FBN2: variants seen among roughly 807,000 people sequenced by gnomAD.
The protein encoded by FBN2 is fibrillin 2, also known as fibrillin-2.
A neutral mutation model predicts 355.6 loss-of-function variants in FBN2; 105 were observed. The ratio of observed to expected loss-of-function variants is 0.30; its 90% CI spans 0.25 to 0.35. The LOEUF (loss-of-function observed/expected upper bound fraction) is 0.35. Among genes scored for constraint, FBN2 ranks in the 10% least tolerant of loss-of-function variants. FBN2 has a pLI of 1.00. For missense variants in FBN2, 3,280 were observed against 3,758.7 expected (o/e 0.87, Z 3.33); for synonymous variants, 1,350 against 1,301.2 (o/e 1.04, Z -0.81).
chr5:128,418,902 C>T (rs1334814030), intron 7 of FBN2, among the ~76,000 whole-genome samples: 1 of 152,062 alleles, frequency 6.6e-6, no homozygotes, highest in East Asian at 1.9e-4. Flanking sequence ...TCATTTTTGA[C>T]AGGGATTGTG....
chr5:128,300,964 A>C, intron 47 of FBN2, 28 bp from the exon 48 acceptor site: 1 of 1,607,224 alleles, frequency 6.2e-7, no homozygotes, highest in Non-Finnish European at 8.5e-7. Flanking sequence ...AGAAAAAATA[A>C]TTTAAGCATG....
intron 31 of FBN2, 93 bp from the exon 32 acceptor site, chr5:128,333,127 A>C (rs1750737436): frequency 8.7e-7 from 1 of 1,146,318 alleles, no homozygotes; most frequent in East Asian, 2.5e-5. Flanking sequence ...ATTTTAAAGT[A>C]AAGATGCAAC....
Position 128,339,037 on chromosome 5 carries a change from G to C in FBN2, c.3368C>G (p.Pro1123Arg). ...GCAGATTCCACTGCCACAGAGGTCA[G>C]GAGAAATCCTGCACTCGTCGATGTC... ...CTDIDECRIS[P>R]DLCGSGICVN... is the part of the protein sequence containing the mutation. Residue 1123 changes from proline (P) to arginine (R), a missense_variant, in exon 26 of 65, where the codon CCT (proline) becomes CGT (arginine). Coordinates refer to ENST00000262464, the MANE Select transcript of FBN2 (RefSeq NM_001999.4). The C allele has an allele frequency of 6.2e-7, 1 of 1,614,040 alleles. No individual in the cohort carries two copies. The highest frequency in any genetic ancestry group is 8.5e-7 in the Non-Finnish European group (1 of 1,179,922).
chr5:128,336,048 T>C lies in FBN2; in HGVS notation c.3664A>G (p.Thr1222Ala). ...CCAGGATTGCAAGAGCACTGATAGG[T>C]TCCAATCATGTTCACACATTTTCCA... ...RNGKCVNMIGTYQCSCNPGYQ... is the reference protein window; with the variant it reads ...RNGKCVNMIGAYQCSCNPGYQ... Residue 1222 changes from threonine (T) to alanine (A), a missense_variant, in exon 28 of 65, where the codon ACC becomes GCC. By Grantham distance (58) the Thr-to-Ala change is moderately conservative (BLOSUM62 0). Around this residue, in one of 6 missense-constraint regions of FBN2, gnomAD observed 2,284 missense variants for 2,749.5 expected, o/e 0.83. Coordinates refer to ENST00000262464, the MANE Select transcript of FBN2 (RefSeq NM_001999.4). The C allele has an allele frequency of 1.2e-6, 2 of 1,613,634 alleles. No individual in the cohort carries two copies. The highest frequency in any genetic ancestry group is 2.2e-5 in the East Asian group (1 of 44,898).
chr5:128,417,853 G>T (rs1017293637), intron 7 of FBN2, among the ~76,000 whole-genome samples: 13 of 152,036 alleles, frequency 8.6e-5, no homozygotes, highest in African/African-American at 3.1e-4. Context: ...AATGCATTAA[G>T]GACAGTACTT....
chr5:128,536,347 C>T, intron 2 of FBN2, 55 bp downstream of exon 2: 1 of 1,417,838 alleles, frequency 7.1e-7, no homozygotes, highest in Non-Finnish European at 9.9e-7. Context: ...AAGAGGTCGG[C>T]CGGAGATAGG....
intron 5 of FBN2, among the ~76,000 whole-genome samples, chr5:128,498,307 A>G (rs1241498299): frequency 6.6e-6 from 1 of 152,198 alleles, no homozygotes; most frequent in Non-Finnish European, 1.5e-5. Context: ...AAAATCTCCA[A>G]CATCTCACCA....
chr5:128,455,993 A>AAAAAAAACAAAAAAAAAAC (rs1561465907), intron 6 of FBN2, among the ~76,000 whole-genome samples: 1 of 122,592 alleles, frequency 8.2e-6, no homozygotes, highest in Non-Finnish European at 1.7e-5. Flanking sequence ...TTAGCAACAA[A>AAAAAAAACAAAAAAAAAAC]AAAAAAAAAA....
At chr5:128,280,064 A>G in intron 56 of FBN2, 128 bp downstream of exon 56, 1 of 742,468 alleles carries the variant, frequency 1.3e-6, no homozygotes, top group Non-Finnish European at 2.4e-6. Context: ...TTTAAGAAGA[A>G]GCATGTGGAT....
intron 5 of FBN2, among the ~76,000 whole-genome samples, chr5:128,512,236 G>C (rs1756149081): frequency 6.6e-6 from 1 of 152,164 alleles, no homozygotes; most frequent in Non-Finnish European, 1.5e-5. Flanking sequence ...ATCAGGCCAG[G>C]CGCAGTGGCT....
intron 7 of FBN2, among the ~76,000 whole-genome samples, chr5:128,419,625 A>C (rs979566073): frequency 2.6e-5 from 4 of 152,070 alleles, no homozygotes; most frequent in Admixed American, 2.0e-4. Flanking sequence ...AATATATTAC[A>C]TCAATTAATT....
rs1199183437 is a variant in FBN2 at position 128,357,319 on chromosome 5, A to G, written c.2631T>C (p.Cys877=). Residue 877 remains cysteine, a synonymous_variant, in exon 20 of 65, where the codon TGT becomes TGC. Coordinates refer to ENST00000262464, the MANE Select transcript of FBN2 (RefSeq NM_001999.4). The part of the protein sequence containing the change: ...RNNLGSFNCE[C]SPGSKLSSTG... The stretch of plus-strand genomic sequence containing the variant: ...TGGAGCTGAGTTTGCTGCCGGGCGA[A>G]CATTCACAATTGAAAGATCCAAGGT... 2 of 1,613,988 alleles carry G rather than the reference A, an allele frequency of 1.2e-6. No individual in the cohort carries two copies. The highest frequency in any genetic ancestry group is 1.7e-6 in the Non-Finnish European group (2 of 1,179,874).
intron 4 of FBN2, among the ~76,000 whole-genome samples, chr5:128,522,829 C>T (rs1420076926): frequency 1.3e-5 from 2 of 152,106 alleles, no homozygotes; most frequent in Admixed American, 6.6e-5. Context: ...TAAATTTCCA[C>T]CACAGAAGGA....
chr5:128,296,805 T>C (rs1390998260), intron 48 of FBN2, among the ~76,000 whole-genome samples: 1 of 152,164 alleles, frequency 6.6e-6, no homozygotes, highest in Admixed American at 6.5e-5. Context: ...GATTCGTTAA[T>C]TTTTTGAAGG....
chr5:128,362,416 C>A (rs1448405412), intron 18 of FBN2, among the ~76,000 whole-genome samples: 1 of 152,092 alleles, frequency 6.6e-6, no homozygotes, highest in Admixed American at 6.5e-5. Flanking sequence ...TCCAGAACAG[C>A]CTAGAGAATA....
At chr5:128,514,108 AT>A (rs752127099) in intron 5 of FBN2, among the ~76,000 whole-genome samples, 149 of 151,968 alleles carry the variant, frequency 9.8e-4, no homozygotes, top group Non-Finnish European at 1.6e-3. Flanking sequence ...GCTTATTGTA[AT>A]TTTCATTCTA....
chr5:128,480,230 G>A (rs1285871866), intron 5 of FBN2, among the ~76,000 whole-genome samples: 1 of 148,410 alleles, frequency 6.7e-6, no homozygotes, highest in Non-Finnish European at 1.5e-5. Context: ...ACTCCACATG[G>A]TATTAAAACT....
intron 51 of FBN2, 85 bp from the exon 52 acceptor site, chr5:128,289,337 A>C (rs1481884050): frequency 5.5e-6 from 8 of 1,450,252 alleles, no homozygotes; most frequent in Non-Finnish European, 1.9e-6. Flanking sequence ...AAATCCCAGC[A>C]CTTTGGGAGG....
intron 48 of FBN2, among the ~76,000 whole-genome samples, chr5:128,292,300 A>G (rs1749347804): frequency 6.6e-6 from 1 of 152,120 alleles, no homozygotes; most frequent in Non-Finnish European, 1.5e-5. Context: ...CTTTCCCCAG[A>G]ACGCTTCCTT....
Sources: gnomAD v4.1 joint callset for allele counts (sites outside exome capture counted in the v4.1 genomes callset) on GRCh38, gnomAD v4.1.1 for gene constraint, gnomAD v4.1.1 regional missense constraint, MANE v1.5 for transcripts, NCBI Gene and HGNC (gene_info 2026-07-23, HGNC 2026-07-21) for gene names.